The following PTPRT variants were observed in gnomAD, a reference collection of about 807,000 sequenced individuals.
PTPRT encodes protein tyrosine phosphatase receptor type T.
Under a neutral mutation model 176.8 loss-of-function variants are expected in PTPRT, and 56 were observed. That is an observed-to-expected ratio of 0.32 (90% CI 0.26 to 0.40). PTPRT has a LOEUF of 0.40. Among genes scored for constraint, PTPRT ranks in the 10% least tolerant of loss-of-function variants. The pLI, the probability that PTPRT is intolerant of heterozygous loss-of-function variation, is 1.00. For synonymous variants in PTPRT, 783 were observed against 739.0 expected (o/e 1.06, Z -0.96); for missense variants, 1,540 against 1,908.2 (o/e 0.81, Z 3.60).
intron 7 of PTPRT, among the ~76,000 whole-genome samples, chr20:42,532,217 A>G (rs888600371): frequency 2.6e-5 from 4 of 152,126 alleles, no homozygotes; most frequent in African/African-American, 9.7e-5. Flanking sequence ...TCCCAAGTTC[A>G]TTAGGTTCTT....
At chr20:42,406,759 A>T (rs1265621720) in intron 9 of PTPRT, among the ~76,000 whole-genome samples, 2 of 152,228 alleles carry the variant, frequency 1.3e-5, no homozygotes, top group Non-Finnish European at 2.9e-5. Flanking sequence ...GGAATCAATC[A>T]GTGCATCCAA....
intron 6 of PTPRT, among the ~76,000 whole-genome samples, chr20:42,699,172 C>T (rs1390521800): frequency 1.3e-5 from 2 of 152,280 alleles, no homozygotes; most frequent in East Asian, 1.9e-4. Context: ...CATTGAGACA[C>T]CTCACATATT....
intron 13 of PTPRT, among the ~76,000 whole-genome samples, chr20:42,279,289 T>C (rs1316854637): frequency 6.6e-6 from 1 of 152,044 alleles, no homozygotes; most frequent in Non-Finnish European, 1.5e-5. Flanking sequence ...TAGGTGGTAG[T>C]ATCCTCATAA....
At chr20:43,077,949 T>C (rs1023833923) in intron 1 of PTPRT, among the ~76,000 whole-genome samples, 1 of 152,224 alleles carries the variant, frequency 6.6e-6, no homozygotes, top group Admixed American at 6.5e-5. Flanking sequence ...CTATATCAAG[T>C]GGGAACATCA....
intron 13 of PTPRT, among the ~76,000 whole-genome samples, chr20:42,281,272 A>T (rs973609451): frequency 1.2e-4 from 19 of 152,088 alleles, no homozygotes; most frequent in Non-Finnish European, 2.2e-4. Flanking sequence ...ATCTCTTTCC[A>T]TCCAGGAGCC....
At chr20:42,112,981 G>C (rs1166166239) in intron 22 of PTPRT, among the ~76,000 whole-genome samples, 1 of 152,200 alleles carries the variant, frequency 6.6e-6, no homozygotes, top group Non-Finnish European at 1.5e-5. Context: ...GTGCTGTGAT[G>C]ATTTATCAAG....
chr20:42,982,467 G>A (rs1983336870), intron 1 of PTPRT, among the ~76,000 whole-genome samples: 1 of 152,206 alleles, frequency 6.6e-6, no homozygotes, highest in Non-Finnish European at 1.5e-5. Context: ...AAGGAGGGAA[G>A]GGAAGGCCTC....
intron 9 of PTPRT, among the ~76,000 whole-genome samples, chr20:42,443,780 G>A (rs2059339396): frequency 6.6e-6 from 1 of 152,104 alleles, no homozygotes; most frequent in African/African-American, 2.4e-5. Flanking sequence ...CTAAAAAGAG[G>A]GTGTCAAAGC....
chr20:43,083,868 A>G (rs2011533685), intron 1 of PTPRT, among the ~76,000 whole-genome samples: 1 of 152,162 alleles, frequency 6.6e-6, no homozygotes, highest in Non-Finnish European at 1.5e-5. Context: ...CTTTTCTGGA[A>G]ATGACCTATA....
chr20:42,762,547 C>A (rs966580672), intron 5 of PTPRT, among the ~76,000 whole-genome samples: 1 of 152,224 alleles, frequency 6.6e-6, no homozygotes, highest in African/African-American at 2.4e-5. Flanking sequence ...AGCTAAGAGG[C>A]GGGAGTTGTG....
chr20:42,721,335 T>C (rs1336514041), intron 6 of PTPRT, among the ~76,000 whole-genome samples: 1 of 151,998 alleles, frequency 6.6e-6, no homozygotes, highest in African/African-American at 2.4e-5. Context: ...GAACTGGAGA[T>C]GAGATGGATC....
intron 7 of PTPRT, among the ~76,000 whole-genome samples, chr20:42,651,733 C>A (rs1188853910): frequency 1.3e-5 from 2 of 152,158 alleles, no homozygotes; most frequent in Admixed American, 1.3e-4. Context: ...CTTCTCCAAG[C>A]TTCACCCTCA....
At chr20:42,041,433 C>T in the PTPRT span, among the ~76,000 whole-genome samples, 1 of 152,166 alleles carries the variant, frequency 6.6e-6, no homozygotes, top group African/African-American at 2.4e-5. Context: ...TTTTCTCCAC[C>T]TCCTAGAAAC....
At chr20:42,429,113 G>A (rs1568870377) in intron 9 of PTPRT, among the ~76,000 whole-genome samples, 1 of 152,146 alleles carries the variant, frequency 6.6e-6, no homozygotes, top group Non-Finnish European at 1.5e-5. Flanking sequence ...TTAGTAGTCA[G>A]GTCATCTCAG....
In PTPRT at chr20:42,453,732, G is replaced by A. The variant is rs956474820; in HGVS notation, c.1451-5403C>T. On this transcript the variant is annotated intron_variant, in intron 8 of 30. Coordinates refer to ENST00000373187, the MANE Select transcript of PTPRT (RefSeq NM_007050.6). ...GTCACCCAGACTGGAGGGCAACAGC[G>A]TGATCTTGGCTCAATGCAACCTCCG... 5.4e-5 allele frequency among the ~76,000 whole-genome samples: 8 copies of A among 148,306 alleles called. No individual in the cohort carries two copies. In the East Asian group the frequency reaches 7.9e-4, roughly 15 times the overall value.
chr20:43,115,040 A>G (rs2013004430), intron 1 of PTPRT, among the ~76,000 whole-genome samples: 1 of 152,132 alleles, frequency 6.6e-6, no homozygotes, highest in Admixed American at 6.5e-5. Flanking sequence ...TACATGCGCC[A>G]TTTCATTGCA....
intron 1 of PTPRT, among the ~76,000 whole-genome samples, chr20:42,916,967 G>A (rs1467388784): frequency 6.6e-6 from 1 of 152,146 alleles, no homozygotes; most frequent in African/African-American, 2.4e-5. Context: ...TTAGTTTAAT[G>A]AGATCCCATT....
intron 7 of PTPRT, among the ~76,000 whole-genome samples, chr20:42,571,576 C>T (rs564794401): frequency 6.6e-6 from 1 of 152,184 alleles, no homozygotes; most frequent in Non-Finnish European, 1.5e-5. Context: ...AATCCAAGTG[C>T]CCTTGTGAAT....
chr20:42,657,129 C>T (rs539766788), intron 7 of PTPRT, among the ~76,000 whole-genome samples: 66 of 152,208 alleles, frequency 4.3e-4, no homozygotes, highest in African/African-American at 1.5e-3. Flanking sequence ...TCCCCCTTTG[C>T]TCCACACTTC....
Sources: gnomAD v4.1 joint callset for allele counts (sites outside exome capture counted in the v4.1 genomes callset) on GRCh38, gnomAD v4.1.1 for gene constraint, MANE v1.5 for transcripts, NCBI Gene and HGNC (gene_info 2026-07-23, HGNC 2026-07-21) for gene names.